Variants in ITIH3 observed in about 807,000 individuals in gnomAD.
The protein encoded by ITIH3 is inter-alpha-trypsin inhibitor heavy chain H3.
ITIH3 carries 81 observed loss-of-function variants against 96.5 expected under a neutral mutation model. The ratio of observed to expected loss-of-function variants is 0.84; its 90% CI spans 0.70 to 1.01. The LOEUF (loss-of-function observed/expected upper bound fraction) is 1.01. ITIH3 is among the 50% of genes least tolerant of loss of function. The pLI, the probability that ITIH3 is intolerant of heterozygous loss-of-function variation, is 0.00. For missense variants in ITIH3, 1,057 were observed against 1,139.3 expected, an observed-to-expected ratio of 0.93 and a Z score of 1.04; for synonymous variants, 422 against 445.2, an observed-to-expected ratio of 0.95 and a Z score of 0.66.
intron 15 of ITIH3, 199 bp from the exon 16 acceptor site, chr3:52,805,609 C>G: frequency 7.2e-7 from 1 of 1,392,784 alleles, no homozygotes; most frequent in South Asian, 1.8e-5. Flanking sequence ...AAATCACATC[C>G]CATTGCCACC....
In ITIH3 at chr3:52,806,337, G is replaced by A. The variant is rs559876188; in HGVS notation, c.1987G>A (p.Asp663Asn). 8.7e-6 allele frequency: 14 copies of A among 1,613,930 alleles called. No homozygotes were observed. The highest frequency in any genetic ancestry group is 3.3e-5 in the Admixed American group (2 of 60,018). The change falls in exon 18 of 22, where the codon GAT becomes AAT. Residue 663 changes from aspartate (D) to asparagine (N), a missense_variant. Asp to Asn is a conservative substitution (Grantham distance 23). Transcript: ENST00000449956. ...CATCATCCAAATTCCGGAGAAAGAC[G>A]ATGCCCTCTGCTTCAACATCGATGA... ...HFIIQIPEKD[D>N]ALCFNIDEAP...
Position 52,807,889 on chromosome 3 carries a change from ATGT to A in ITIH3, c.2405_2407del (p.Met802_Ser803delinsThr). On this transcript the variant is annotated inframe_deletion, in exon 20 of 22. Coordinates refer to ENST00000449956, the MANE Select transcript of ITIH3 (RefSeq NM_002217.4). ...CTTCTACGTGGTGGACAGTCACCGG[ATGT>A]CAGCACAGACGCATGGGCTGCTGGG... 1 of 1,612,750 alleles carries A rather than the reference ATGT, an allele frequency of 6.2e-7. No individual in the cohort carries two copies. The highest frequency in any genetic ancestry group is 8.5e-7 in the Non-Finnish European group (1 of 1,179,422).
At chr3:52,798,905 A>C in intron 6 of ITIH3, 61 bp from the exon 7 acceptor site, 1 of 1,592,002 alleles carries the variant, frequency 6.3e-7, no homozygotes, top group Non-Finnish European at 8.6e-7. Flanking sequence ...CTAAGGGCTG[A>C]GGTCTCCCAG....
At chr3:52,805,772 C>T in intron 15 of ITIH3, 36 bp from the exon 16 acceptor site, 1 of 1,613,476 alleles carries the variant, frequency 6.2e-7, no homozygotes, top group East Asian at 2.2e-5. Context: ...GAAGGAACCC[C>T]TAGACCCTGC....
intron 10 of ITIH3, 59 bp from the exon 11 acceptor site, chr3:52,800,906 G>A: frequency 6.2e-7 from 1 of 1,602,466 alleles, no homozygotes; most frequent in Non-Finnish European, 8.5e-7. Flanking sequence ...CCCAGACAGA[G>A]CTGGTCTAGA....
At chr3:52,808,417 G>A in intron 21 of ITIH3, 135 bp from the exon 22 acceptor site, 1 of 1,325,424 alleles carries the variant, frequency 7.5e-7, no homozygotes, top group Admixed American at 1.9e-5. Context: ...GAGTAATCAT[G>A]TAACTTCATT....
chr3:52,805,858 G>T lies in ITIH3; in HGVS notation c.1906+18G>T. On this transcript the variant is annotated intron_variant, in intron 16 of 21. Coordinates refer to ENST00000449956, the MANE Select transcript of ITIH3 (RefSeq NM_002217.4). ...CTACCTGAGTGAGTACATGCTGGCAGCTGCCACTCCTCCCACTGCTTAGAG... is the reference window on the plus strand; with the variant it reads ...CTACCTGAGTGAGTACATGCTGGCATCTGCCACTCCTCCCACTGCTTAGAG... 1 of 1,613,180 alleles carries T rather than the reference G, an allele frequency of 6.2e-7. No homozygotes were observed. The highest frequency in any genetic ancestry group is 8.5e-7 in the Non-Finnish European group (1 of 1,179,440).
Position 52,799,003 on chromosome 3 carries a change from G to A in ITIH3, c.701G>A (p.Arg234His), listed in dbSNP as rs373638980. 2.5e-4 allele frequency: 404 copies of A among 1,613,586 alleles called. No individual in the cohort carries two copies. The highest frequency in any genetic ancestry group is 3.9e-4 in the African/African-American group (29 of 75,068). ...VSFKPSLDQQ[R>H]SCPTCTDSLL... is the part of the protein sequence containing the mutation. ...TTCAAGCCCAGCTTAGACCAACAGC[G>A]TTCATGCCCAACCTGTACAGACTCC... The change falls in exon 7 of 22, where the codon CGT (arginine) becomes CAT (histidine). Residue 234 changes from arginine (R) to histidine (H), a missense_variant. Transcript: ENST00000449956.
At chr3:52,802,142 C>G in intron 11 of ITIH3, 192 bp from the exon 12 acceptor site, 1 of 543,862 alleles carries the variant, frequency 1.8e-6, no homozygotes, top group Non-Finnish European at 3.3e-6. Context: ...TTCTAGTCTT[C>G]CTCGTGTCTA....
At chr3:52,800,405 C>T in intron 9 of ITIH3, 133 bp from the exon 10 acceptor site, 1 of 1,007,676 alleles carries the variant, frequency 9.9e-7, no homozygotes. Flanking sequence ...TTGCTGAGTA[C>T]CACCATGGGC....
chr3:52,798,901 G>T, intron 6 of ITIH3, 65 bp from the exon 7 acceptor site: 1 of 1,587,546 alleles, frequency 6.3e-7, no homozygotes, highest in Non-Finnish European at 8.6e-7. Flanking sequence ...TCAGCTAAGG[G>T]CTGAGGTCTC....
intron 11 of ITIH3, among the ~76,000 whole-genome samples, chr3:52,801,780 A>G (rs1345421617): frequency 6.6e-6 from 1 of 152,224 alleles, no homozygotes; most frequent in African/African-American, 2.4e-5. Flanking sequence ...GGAGTACGCT[A>G]TTCAACCCAT....
rs775589200 is a variant in ITIH3 at position 52,805,860 on chromosome 3, T to G, written c.1906+20T>G. The G allele has an allele frequency of 1.2e-6, 2 of 1,613,222 alleles. No homozygotes were observed. The highest frequency in any genetic ancestry group is 1.7e-5 in the Admixed American group (1 of 59,976). ...ACCTGAGTGAGTACATGCTGGCAGC[T>G]GCCACTCCTCCCACTGCTTAGAGCC... On this transcript the variant is annotated intron_variant, in intron 16 of 21. Transcript: ENST00000449956.
Position 52,805,797 on chromosome 3 carries a change from C to T in ITIH3, c.1874-11C>T, listed in dbSNP as rs374320327. The T allele has an allele frequency of 2.2e-4, 351 of 1,613,674 alleles. 1 individual carries two copies. Among genetic ancestry groups the T allele is most frequent in the Admixed American group, 6.3e-4 (38 of 59,988 alleles). ...CTAGACCCTGCTCACCACTGCCCTT[C>T]GGCTTTTCAGCCACACCGGTGAGCC... On this transcript the variant is annotated splice_polypyrimidine_tract_variant and intron_variant, in intron 15 of 21. Transcript: ENST00000449956.
intron 9 of ITIH3, 81 bp from the exon 10 acceptor site, chr3:52,800,457 C>G: frequency 2.0e-6 from 3 of 1,513,432 alleles, no homozygotes; most frequent in Non-Finnish European, 2.7e-6. Flanking sequence ...GGCCGGCTGT[C>G]CCGGCCTCCT....
Position 52,795,690 on chromosome 3 carries a change from C to T in ITIH3, c.114+67C>T, listed in dbSNP as rs947295076. ...CAGGATGGAGCTGGTTCCCCAACTG[C>T]TGAAGGTGTAGGCTATAACAGCTGA... On this transcript the variant is annotated intron_variant, in intron 2 of 21. Coordinates refer to ENST00000449956, the MANE Select transcript of ITIH3 (RefSeq NM_002217.4). 2.1e-5 allele frequency: 32 copies of T among 1,496,194 alleles called. No individual in the cohort carries two copies. In the African/African-American group the frequency reaches 3.4e-4, roughly 16 times the overall value. 92.7% of individuals were successfully genotyped at this position (1,496,194 alleles called of 1,614,324 possible). A position where few individuals can be genotyped will look rare whatever the true frequency, so the allele number is the denominator to read the frequency against.
In ITIH3 at chr3:52,806,374, C is replaced by G. The variant is rs748362639; in HGVS notation, c.2024C>G (p.Thr675Arg). 13 of 1,613,794 alleles carry G rather than the reference C, an allele frequency of 8.1e-6. No homozygotes were observed. The highest frequency in any genetic ancestry group is 1.3e-5 in the African/African-American group (1 of 74,948). Residue 675 changes from threonine (T) to arginine (R), a missense_variant, in exon 18 of 22, where the codon ACA (threonine) becomes AGA (arginine). Coordinates refer to ENST00000449956, the MANE Select transcript of ITIH3 (RefSeq NM_002217.4). ...LCFNIDEAPGTVLRLIQDAVT... is the reference protein window; with the variant it reads ...LCFNIDEAPGRVLRLIQDAVT... ...TTCAACATCGATGAAGCCCCAGGCA[C>G]AGTGCTGCGCCTTATTCAGGATGCA...
In ITIH3 at chr3:52,808,185, C is replaced by T. The variant is rs200744873; in HGVS notation, c.2507C>T (p.Thr836Ile). ...PGSDPTKPDA[T>I]LVVKNHQLIV... ...TCTGACCCCACAAAGCCAGATGCCA[C>T]ATTGGTGGTGAAGAACCATCAGCTG... The change falls in exon 21 of 22, where the codon ACA becomes ATA. Residue 836 changes from threonine (T) to isoleucine (I), a missense_variant. Physicochemically the swap from Thr to Ile is moderately conservative, Grantham distance 89. Coordinates refer to ENST00000449956, the MANE Select transcript of ITIH3 (RefSeq NM_002217.4). 6.2e-7 allele frequency: 1 copy of T among 1,614,204 alleles called. No individual in the cohort carries two copies. Among genetic ancestry groups the T allele is most frequent in the Non-Finnish European group, 8.5e-7 (1 of 1,180,012 alleles).
In ITIH3 at chr3:52,795,721, C is replaced by T. The variant is rs1356586765; in HGVS notation, c.114+98C>T. 2.5e-6 allele frequency: 3 copies of T among 1,198,992 alleles called. No individual in the cohort carries two copies. The East Asian group carries it at 7.4e-5, about 30-fold the overall frequency. 74.3% of individuals were successfully genotyped at this position (1,198,992 alleles called of 1,614,324 possible). A position where few individuals can be genotyped will look rare whatever the true frequency, so the allele number is the denominator to read the frequency against. Reference sequence around the variant, plus strand: ...GTGTAGGCTATAACAGCTGACTCCTCACAGCTGGCAAACAGCTTACGGCCC... The same window carrying T: ...GTGTAGGCTATAACAGCTGACTCCTTACAGCTGGCAAACAGCTTACGGCCC... On this transcript the variant is annotated intron_variant, in intron 2 of 21. Coordinates refer to ENST00000449956, the MANE Select transcript of ITIH3 (RefSeq NM_002217.4).
Sources: allele counts gnomAD v4.1 joint callset (sites outside exome capture counted in the v4.1 genomes callset), GRCh38; gene constraint gnomAD v4.1.1; transcripts MANE v1.5; gene names NCBI Gene and HGNC (gene_info 2026-07-23, HGNC 2026-07-21).